Variants in RASAL2 observed in about 807,000 individuals in gnomAD.
RASAL2 encodes RAS protein activator like 2, also known as ras GTPase-activating protein nGAP.
In RASAL2, 58 loss-of-function variants were observed where a neutral mutation model predicts 128.9. That is an observed-to-expected ratio of 0.45 (90% CI 0.36 to 0.56). The LOEUF is 0.56. Ranked by LOEUF, RASAL2 falls within the 20% of genes least tolerant of loss-of-function variation. RASAL2 has a pLI of 0.00. For missense variants in RASAL2, 1,360 were observed against 1,601.6 expected (o/e 0.85, Z 2.57); for synonymous variants, 561 against 580.8 (o/e 0.97, Z 0.49).
intron 14 of RASAL2, among the ~76,000 whole-genome samples, chr1:178,460,397 T>A (rs1228972748): frequency 6.6e-6 from 1 of 152,198 alleles, no homozygotes. Flanking sequence ...TAAATAGCCT[T>A]TTTTGTGCTC....
At chr1:178,292,053 A>C (rs1015304114) in intron 2 of RASAL2, among the ~76,000 whole-genome samples, 1 of 151,564 alleles carries the variant, frequency 6.6e-6, no homozygotes, top group Admixed American at 6.6e-5. Context: ...AAAAAAAAAA[A>C]AAAAGAATTA....
intron 2 of RASAL2, among the ~76,000 whole-genome samples, chr1:178,285,880 C>T (rs1248691497): frequency 1.3e-4 from 20 of 152,166 alleles, no homozygotes; most frequent in African/African-American, 2.2e-4. Context: ...GGAAGCATGC[C>T]TTTTCCAGAA....
At chr1:178,141,193 C>CTTTTCTTTTT (rs1172372347) in intron 1 of RASAL2, among the ~76,000 whole-genome samples, 1 of 73,934 alleles carries the variant, frequency 1.4e-5, no homozygotes, top group Non-Finnish European at 2.4e-5. Context: ...CTTTTCTTTT[C>CTTTTCTTTTT]TTTTTTTTTT....
intron 3 of RASAL2, among the ~76,000 whole-genome samples, chr1:178,307,499 T>C (rs1334833183): frequency 2.0e-5 from 3 of 152,190 alleles, no homozygotes; most frequent in Non-Finnish European, 2.9e-5. Flanking sequence ...GTTCTTTGTA[T>C]ACAAATAATA....
At chr1:178,441,793 CTTA>C (rs967593318) in intron 7 of RASAL2, 146 bp downstream of exon 7, 11 of 582,140 alleles carry the variant, frequency 1.9e-5, no homozygotes, top group African/African-American at 1.9e-4. Flanking sequence ...GTAGTAAGCC[CTTA>C]TTATATCACC....
intron 1 of RASAL2, among the ~76,000 whole-genome samples, chr1:178,277,463 G>A (rs1490485010): frequency 6.6e-6 from 1 of 152,144 alleles, no homozygotes; most frequent in East Asian, 1.9e-4. Context: ...CTGGCCAGAT[G>A]TTTTTGCTTC....
At chr1:178,167,454 A>C (rs1044784113) in intron 1 of RASAL2, among the ~76,000 whole-genome samples, 1 of 152,126 alleles carries the variant, frequency 6.6e-6, no homozygotes, top group African/African-American at 2.4e-5. Context: ...AATAGAGAAT[A>C]CTATTTATAA....
At chr1:178,251,761 A>G (rs980048562) in intron 1 of RASAL2, among the ~76,000 whole-genome samples, 30 of 152,220 alleles carry the variant, frequency 2.0e-4, no homozygotes, top group Admixed American at 6.5e-5. Flanking sequence ...TTTTCTTCAG[A>G]TGCTTATCAG....
At chr1:178,145,027 A>G (rs1660671043) in intron 1 of RASAL2, among the ~76,000 whole-genome samples, 1 of 152,198 alleles carries the variant, frequency 6.6e-6, no homozygotes, top group Admixed American at 6.5e-5. Context: ...TTGATTTTGA[A>G]GTGGGAAATA....
rs190998736 is a variant in RASAL2, at chr1:178,310,357, A to G, written c.457+10239A>G. Reference sequence around the variant, plus strand: ...TGATATAGTTAGATTTGCCCATTAGAAAGAAGTTTGCATTATTAGCCAATT... The same window carrying G: ...TGATATAGTTAGATTTGCCCATTAGGAAGAAGTTTGCATTATTAGCCAATT... On this transcript the variant is annotated intron_variant, in intron 3 of 17. Coordinates refer to ENST00000367649, the MANE Select transcript of RASAL2 (RefSeq NM_170692.4). 2.6e-4 allele frequency among the ~76,000 whole-genome samples: 39 copies of G among 152,316 alleles called. No individual in the cohort carries two copies. In the East Asian group the frequency reaches 6.2e-3, roughly 24 times the overall value.
intron 1 of RASAL2, among the ~76,000 whole-genome samples, chr1:178,281,001 A>T (rs1372072037): frequency 6.6e-6 from 1 of 152,094 alleles, no homozygotes; most frequent in Non-Finnish European, 1.5e-5. Flanking sequence ...TGAGAACATG[A>T]TATAACATAA....
chr1:178,174,165 A>T (rs1227726907), intron 1 of RASAL2, among the ~76,000 whole-genome samples: 1 of 151,718 alleles, frequency 6.6e-6, no homozygotes, highest in Non-Finnish European at 1.5e-5. Flanking sequence ...TTAGCATATA[A>T]TTTTTTTTCT....
chr1:178,473,058 T>C lies in RASAL2; in HGVS notation c.3679-17T>C, dbSNP rs775131986. 4 of 1,613,786 alleles carry C rather than the reference T, an allele frequency of 2.5e-6. No homozygotes were observed. The South Asian group carries it at 4.4e-5, about 18-fold the overall frequency. On this transcript the variant is annotated splice_polypyrimidine_tract_variant and intron_variant, in intron 17 of 17. Transcript: ENST00000367649. ...CCTGCCTGTAGCCTGAATAAAGCCA[T>C]GATTGGTGTGTTGTAGGAAAAACGG... is the stretch of plus-strand genomic sequence containing the variant.
At chr1:178,390,312 ATTTC>A (rs1672824064) in intron 4 of RASAL2, 106 bp downstream of exon 4, 2 of 746,688 alleles carry the variant, frequency 2.7e-6, no homozygotes, top group African/African-American at 3.6e-5. Flanking sequence ...CTCTTCAAGA[ATTTC>A]TTTATAATTC....
chr1:178,111,651 A>G (rs1276365982), intron 1 of RASAL2, among the ~76,000 whole-genome samples: 1 of 152,296 alleles, frequency 6.6e-6, no homozygotes, highest in East Asian at 1.9e-4. Flanking sequence ...TTATTCAATG[A>G]CTAATAATGT....
In RASAL2 at chr1:178,186,357, A is replaced by T. The variant is rs145865714; in HGVS notation, c.202+91663A>T. ...TGGTTTTGTTTGTTTTTCTCTGTTG[A>T]TTCTCCGTTTTCATTTCCATTGATT... is the stretch of plus-strand genomic sequence containing the variant. On this transcript the variant is annotated intron_variant, in intron 1 of 17. Transcript: ENST00000367649. 9.3e-5 allele frequency among the ~76,000 whole-genome samples: 14 copies of T among 150,434 alleles called. No individual in the cohort carries two copies. The East Asian group carries it at 2.7e-3, about 30-fold the overall frequency.
chr1:178,299,935 G>A, intron 2 of RASAL2, 57 bp from the exon 3 acceptor site: 2 of 1,568,986 alleles, frequency 1.3e-6, no homozygotes, highest in Non-Finnish European at 1.7e-6. Flanking sequence ...TATTCAATCA[G>A]AACGTAGTTA....
chr1:178,203,599 G>A (rs1024722204), intron 1 of RASAL2, among the ~76,000 whole-genome samples: 1 of 152,172 alleles, frequency 6.6e-6, no homozygotes, highest in Non-Finnish European at 1.5e-5. Context: ...CTGGCCTAGA[G>A]GTCTTAGTTC....
At chr1:178,196,321 A>C (rs728687) in intron 1 of RASAL2, among the ~76,000 whole-genome samples, 1 of 152,180 alleles carries the variant, frequency 6.6e-6, no homozygotes, top group Non-Finnish European at 1.5e-5. Context: ...AAGTCAAGGT[A>C]CAAAGTGAGA....
Sources: gnomAD v4.1 joint callset for allele counts (sites outside exome capture counted in the v4.1 genomes callset) on GRCh38, gnomAD v4.1.1 for gene constraint, MANE v1.5 for transcripts, NCBI Gene and HGNC (gene_info 2026-07-23, HGNC 2026-07-21) for gene names.